ISCU: variants seen among roughly 807,000 people sequenced by gnomAD.
The protein encoded by ISCU is iron-sulfur cluster assembly enzyme.
Under a neutral mutation model 18.4 loss-of-function variants are expected in ISCU, and 13 were observed. The ratio of observed to expected loss-of-function variants is 0.71; its 90% confidence interval spans 0.46 to 1.12. The LOEUF (loss-of-function observed/expected upper bound fraction) is 1.12, where lower values mean the gene tolerates loss of function less well. ISCU is among the 50% of genes most tolerant of loss of function. ISCU has a pLI of 0.00. For synonymous variants in ISCU, 104 were observed against 87.5 expected (o/e 1.19, Z -1.06); for missense variants, 229 against 208.7 (o/e 1.10, Z -0.60).
chr12:108,568,647 A>G, intron 4 of ISCU, 184 bp from the exon 5 acceptor site: 1 of 1,450,648 alleles, frequency 6.9e-7, no homozygotes, highest in South Asian at 1.5e-5. Flanking sequence ...GATCACCCGC[A>G]GGAGTAACTC....
At chr12:108,567,423 C>G in intron 4 of ISCU, 155 bp downstream of exon 4, 1 of 752,960 alleles carries the variant, frequency 1.3e-6, no homozygotes, top group East Asian at 2.6e-5. Flanking sequence ...GGTTAGAGCC[C>G]CCATGGTCTC....
chr12:108,568,044 G>A (rs920489049), intron 4 of ISCU: 8 of 1,491,580 alleles, frequency 5.4e-6, no homozygotes, highest in Non-Finnish European at 5.3e-6. Context: ...AGAGCCAGGT[G>A]CCGGGGCAGA....
chr12:108,562,575 C>A, upstream of ISCU: 1 of 1,134,622 alleles, frequency 8.8e-7, no homozygotes, highest in South Asian at 2.1e-5. Flanking sequence ...GCAGACGCGC[C>A]CCGCCCCTCG....
rs1284848140 is a variant in ISCU, at chr12:108,567,740, G to A, written c.418+472G>A. On this transcript the variant is annotated intron_variant, in intron 4 of 4. Transcript: ENST00000311893. ...TGTGTATTTCTTCACTTCCTGTCTG[G>A]ATGGTATTCCTGTCGGGGTCTGCAT... The A allele has an allele frequency of 2.0e-6, 3 of 1,535,722 alleles. No homozygotes were observed. In the African/African-American group the frequency reaches 4.1e-5, roughly 21 times the overall value.
chr12:108,562,590 C>T, upstream of ISCU: 1 of 1,260,586 alleles, frequency 7.9e-7, no homozygotes, highest in Non-Finnish European at 1.0e-6. Flanking sequence ...CCCTCGGCGT[C>T]GCTCTGGACT....
intron 3 of ISCU, among the ~76,000 whole-genome samples, 164 bp from the exon 4 acceptor site, chr12:108,567,026 T>C (rs2030930987): frequency 6.6e-6 from 1 of 152,198 alleles, no homozygotes; most frequent in Admixed American, 6.5e-5. Flanking sequence ...CAGCTGCAGC[T>C]TTGATAAAGT....
At chr12:108,568,773 C>T in intron 4 of ISCU, 58 bp from the exon 5 acceptor site, 1 of 1,571,520 alleles carries the variant, frequency 6.4e-7, no homozygotes, top group African/African-American at 1.3e-5. Context: ...GATTCTATTC[C>T]CAAGTCCATT....
At position 108,569,061 on chromosome 12, in the gene ISCU, A is replaced by T; in HGVS notation, c.*145A>T. 5.6e-6 allele frequency: 4 copies of T among 712,198 alleles called. No homozygotes were observed. Among genetic ancestry groups the T allele is most frequent in the Non-Finnish European group, 9.9e-6 (4 of 405,516 alleles). The allele number at this position is 712,198 out of a possible 1,614,324, so 44.1% of individuals were successfully genotyped here. On this transcript the variant is annotated 3_prime_UTR_variant, in exon 5 of 5. Coordinates refer to ENST00000311893, the MANE Select transcript of ISCU (RefSeq NM_213595.4). ...ACTTGCTGTTCACGTTATGACTCTC[A>T]TGCAAGCAAAATACACAGTTTCATT...
chr12:108,568,103 A>C, intron 4 of ISCU: 1 of 1,377,318 alleles, frequency 7.3e-7, no homozygotes. Context: ...AGTTCTTTCC[A>C]CTTGATCTGG....
intron 3 of ISCU, 24 bp downstream of exon 3, chr12:108,565,455 G>A (rs1345335188): frequency 1.4e-6 from 2 of 1,476,750 alleles, no homozygotes; most frequent in Non-Finnish European, 1.9e-6. Flanking sequence ...CAAATCTAAT[G>A]GGTCAAAAAC....
Position 108,562,718 on chromosome 12 carries a change from C to T in ISCU, c.96C>T (p.Ala32=). 3 of 1,491,004 alleles carry T rather than the reference C, an allele frequency of 2.0e-6. No individual in the cohort carries two copies. Among genetic ancestry groups the T allele is most frequent in the South Asian group, 2.6e-5 (2 of 77,124 alleles). 92.4% of individuals were successfully genotyped at this position (1,491,004 alleles called of 1,614,324 possible). A position where few individuals can be genotyped will look rare whatever the true frequency, so the allele number is the denominator to read the frequency against. The change falls in exon 1 of 5, where the codon GCC becomes GCT. Residue 32 remains alanine (A), a synonymous_variant. Coordinates refer to ENST00000311893, the MANE Select transcript of ISCU (RefSeq NM_213595.4). ...RLPARELSAP[A]RLYHKKVVDH... Reference sequence around the variant, plus strand: ...CCGCCCGGGAGCTGTCGGCCCCGGCCCGACTCTATCACAAGAAGGTAGGGA... The same window carrying T: ...CCGCCCGGGAGCTGTCGGCCCCGGCTCGACTCTATCACAAGAAGGTAGGGA...
At chr12:108,562,505 A>G (rs2030625717), upstream of ISCU, 1 of 542,224 alleles carries the variant, frequency 1.8e-6, no homozygotes, top group Non-Finnish European at 3.0e-6. Flanking sequence ...GGAGCGGTAA[A>G]GCGCAGGCGC....
Position 108,567,223 on chromosome 12 carries a change from A to G in ISCU, c.373A>G (p.Ile125Val), listed in dbSNP as rs2030940719. 1 of 1,614,098 alleles carries G rather than the reference A, an allele frequency of 6.2e-7. No homozygotes were observed. The highest frequency in any genetic ancestry group is 8.5e-7 in the Non-Finnish European group (1 of 1,179,968). Residue 125 changes from isoleucine (I) to valine (V), a missense_variant, in exon 4 of 5, where the codon ATC (isoleucine) becomes GTC (valine). Physicochemically the swap from Ile to Val is conservative, Grantham distance 29. Coordinates refer to ENST00000311893, the MANE Select transcript of ISCU (RefSeq NM_213595.4). ...EEALTIKNTD[I>V]AKELCLPPVK... ...AGCCTTGACTATCAAAAACACAGAT[A>G]TCGCCAAGGAGCTCTGCCTTCCTCC... is the stretch of plus-strand genomic sequence containing the variant.
In ISCU at chr12:108,562,685, C is replaced by T; in HGVS notation, c.63C>T (p.Pro21=). Residue 21 remains proline, a synonymous_variant, in exon 1 of 5, where the codon CCC becomes CCT. Transcript: ENST00000311893. ...RAASALLLRS[P]RLPARELSAP... ...CATCGGCTCTGCTGCTGCGGAGCCC[C>T]CGCCTGCCCGCCCGGGAGCTGTCGG... 2 of 1,479,348 alleles carry T rather than the reference C, an allele frequency of 1.4e-6. No homozygotes were observed. Among genetic ancestry groups the T allele is most frequent in the Non-Finnish European group, 1.8e-6 (2 of 1,125,158 alleles). The allele number at this position is 1,479,348 out of a possible 1,614,324, so 91.6% of individuals were successfully genotyped here. A position where few individuals can be genotyped will look rare whatever the true frequency, so the allele number is the denominator to read the frequency against.
intron 4 of ISCU, chr12:108,568,018 T>A: frequency 6.6e-7 from 1 of 1,523,272 alleles, no homozygotes; most frequent in Non-Finnish European, 8.8e-7. Context: ...CTTGCCAAGG[T>A]AATACTCACA....
At chr12:108,562,203 A>AT (rs374384302), upstream of ISCU, among the ~76,000 whole-genome samples, 2 of 152,380 alleles carry the variant, frequency 1.3e-5, no homozygotes, top group East Asian at 3.9e-4. Context: ...CTAATTGAAC[A>AT]TAAGTCCTTA....
chr12:108,567,495 T>A, intron 4 of ISCU: 1 of 730,096 alleles, frequency 1.4e-6, no homozygotes, highest in South Asian at 1.6e-5. Flanking sequence ...TACTGAGCAC[T>A]TCATGGGCGT....
At chr12:108,565,227 A>G in intron 2 of ISCU, 94 bp from the exon 3 acceptor site, 1 of 881,212 alleles carries the variant, frequency 1.1e-6, no homozygotes, top group Non-Finnish European at 1.9e-6. Flanking sequence ...AGCAAGCCCA[A>G]AGCCCTTGGG....
rs538138244 is a variant in ISCU at position 108,569,212 on chromosome 12, T to C, written c.*296T>C. 2.4e-4 allele frequency: 101 copies of C among 421,828 alleles called. 1 individual carries two copies. In the East Asian group the frequency reaches 4.9e-3, roughly 21 times the overall value. 26.1% of individuals were successfully genotyped at this position (421,828 alleles called of 1,614,324 possible). A position where few individuals can be genotyped will look rare whatever the true frequency, so the allele number is the denominator to read the frequency against. ...TGAAGTTGCAAGTTTTGATAGCCCG[T>C]GAAGTGCATAAGTATCTAATTTTAC... On this transcript the variant is annotated 3_prime_UTR_variant, in exon 5 of 5. Coordinates refer to ENST00000311893, the MANE Select transcript of ISCU (RefSeq NM_213595.4).
Sources: gnomAD v4.1 joint callset for allele counts (sites outside exome capture counted in the v4.1 genomes callset) on GRCh38, gnomAD v4.1.1 for gene constraint, MANE v1.5 for transcripts, NCBI Gene and HGNC (gene_info 2026-07-23, HGNC 2026-07-21) for gene names.